The following TBL1X variants were observed in gnomAD, a reference collection of about 807,000 sequenced individuals.
TBL1X encodes transducin beta like 1 X-linked.
Under a neutral mutation model 50.7 loss-of-function variants are expected in TBL1X, and 10 were observed. The observed-to-expected ratio is 0.20, with a 90% confidence interval of 0.12 to 0.33. The LOEUF is 0.33. Among genes scored for constraint, TBL1X ranks in the 10% least tolerant of loss-of-function variants. The pLI, the probability that TBL1X is intolerant of heterozygous loss-of-function variation, is 1.00. For missense variants in TBL1X, 340 were observed against 504.4 expected, an observed-to-expected ratio of 0.67 and a Z score of 3.12; for synonymous variants, 190 against 214.7, an observed-to-expected ratio of 0.88 and a Z score of 1.01.
rs750827679 is a variant in TBL1X, at chrX:9,613,463, C to G, written c.-130-26810C>G. 9.6e-4 allele frequency among the ~76,000 whole-genome samples: 107 copies of G among 111,643 alleles called. No individual in the cohort carries two copies. The Middle Eastern group carries it at 0.032, about 34-fold the overall frequency. The stretch of plus-strand genomic sequence containing the variant: ...TTGGGAACCATGTGGGTGTGTGCAT[C>G]TATATTTTCCAGGGTCTATTTTGTT... On this transcript the variant is annotated intron_variant, in intron 2 of 17. Coordinates refer to ENST00000645353, the MANE Select transcript of TBL1X (RefSeq NM_005647.4).
chrX:9,600,451 A>T (rs1356574052), intron 2 of TBL1X, among the ~76,000 whole-genome samples: 1 of 58,254 alleles, frequency 1.7e-5, no homozygotes, highest in African/African-American at 7.7e-5. Context: ...TTAGGTTTCA[A>T]CATAGGAATT....
intron 2 of TBL1X, among the ~76,000 whole-genome samples, chrX:9,583,137 G>T (rs1446839685): frequency 8.9e-6 from 1 of 112,615 alleles, no homozygotes; most frequent in African/African-American, 3.2e-5. Context: ...AGGGTGGTCA[G>T]GCGGCAGCAG....
intron 2 of TBL1X, among the ~76,000 whole-genome samples, chrX:9,551,495 A>G (rs777189524): frequency 2.7e-5 from 3 of 111,273 alleles, no homozygotes; most frequent in Admixed American, 9.5e-5. Context: ...CGGTGTCCCA[A>G]TTTTTAGTGC....
rs752837096 is a variant in TBL1X, at chrX:9,685,717, C to CTTT, written c.357+1550_357+1552dup. On this transcript the variant is annotated intron_variant, in intron 6 of 17. Transcript: ENST00000645353. ...TCCTGTTCTCTTTTTCTTTTCTTTT[C>CTTT]TTTTTTTTTTTTTTTTTTTTTTTAA... Among the ~76,000 whole-genome samples, 496 of 59,618 alleles carry CTTT rather than the reference C, an allele frequency of 8.3e-3. 12 individuals are homozygous for CTTT. The highest frequency in any genetic ancestry group is 0.012 in the Non-Finnish European group (418 of 35,079). 51.8% of individuals were successfully genotyped at this position (59,618 alleles called of 115,157 possible). A position where few individuals can be genotyped will look rare whatever the true frequency, so the allele number is the denominator to read the frequency against.
chrX:9,463,854 A>G, upstream of TBL1X, among the ~76,000 whole-genome samples: 1 of 112,270 alleles, frequency 8.9e-6, no homozygotes, highest in South Asian at 3.6e-4. Flanking sequence ...ACAGCGCGCC[A>G]CTGCACTCCA....
chrX:9,510,617 A>G (rs2082050632), intron 2 of TBL1X, among the ~76,000 whole-genome samples: 1 of 112,420 alleles, frequency 8.9e-6, no homozygotes, highest in East Asian at 2.8e-4. Context: ...TGGCTAGGCC[A>G]TAGTATTCAG....
chrX:9,510,812 C>T (rs777220378), intron 2 of TBL1X, among the ~76,000 whole-genome samples: 1 of 111,990 alleles, frequency 8.9e-6, no homozygotes, highest in East Asian at 2.8e-4. Context: ...AGTATCCTGC[C>T]TTTGGATTTG....
upstream of TBL1X, among the ~76,000 whole-genome samples, chrX:9,464,318 C>T (rs1387938098): frequency 9.0e-6 from 1 of 111,330 alleles, no homozygotes; most frequent in Non-Finnish European, 1.9e-5. Flanking sequence ...TGCCCAGGTC[C>T]CCCCAACCTC....
At chrX:9,665,026 A>G (rs1320496547) in intron 5 of TBL1X, among the ~76,000 whole-genome samples, 2 of 110,424 alleles carry the variant, frequency 1.8e-5, no homozygotes, top group East Asian at 5.8e-4. Context: ...TTTTCCTTCC[A>G]ACTGGTTTTT....
chrX:9,510,517 C>T (rs766289950), intron 2 of TBL1X, among the ~76,000 whole-genome samples: 20 of 87,051 alleles, frequency 2.3e-4, no homozygotes, highest in Admixed American at 1.5e-3. Context: ...CTGTGGCCCA[C>T]GGGGCCGTGT....
chrX:9,553,011 C>CA (rs966328964), intron 2 of TBL1X, among the ~76,000 whole-genome samples: 3 of 111,120 alleles, frequency 2.7e-5, no homozygotes, highest in African/African-American at 9.8e-5. Context: ...GGCATGGTGG[C>CA]ACGTGCCTGT....
At chrX:9,499,131 TAG>T (rs1455977249) in intron 1 of TBL1X, among the ~76,000 whole-genome samples, 2 of 111,661 alleles carry the variant, frequency 1.8e-5, no homozygotes, top group Non-Finnish European at 3.8e-5. Flanking sequence ...CATGGTGCAA[TAG>T]AGCCTTCTTA....
Position 9,560,071 on chromosome X carries a change from T to G in TBL1X, c.-131+58222T>G, listed in dbSNP as rs933465671. Among the ~76,000 whole-genome samples, 3 of 111,993 alleles carry G rather than the reference T, an allele frequency of 2.7e-5. No individual in the cohort carries two copies. The South Asian group carries it at 1.1e-3, about 42-fold the overall frequency. On this transcript the variant is annotated intron_variant, in intron 2 of 17. Transcript: ENST00000645353. ...CTAGATATCCTTCACCCCATTTTTA[T>G]GAGACTCATGGGTTCTTGTCTGGGA...
chrX:9,477,508 T>C (rs2081855843), intron 1 of TBL1X, among the ~76,000 whole-genome samples: 1 of 112,082 alleles, frequency 8.9e-6, no homozygotes, highest in African/African-American at 3.2e-5. Context: ...TGTATTCAGG[T>C]TGGGCACTCA....
intron 1 of TBL1X, among the ~76,000 whole-genome samples, chrX:9,471,712 T>C (rs1011760273): frequency 8.9e-6 from 1 of 111,896 alleles, no homozygotes; most frequent in Non-Finnish European, 1.9e-5. Context: ...GGAGACCCTG[T>C]GAAAGAAGCA....
At chrX:9,558,533 GA>G (rs912580160) in intron 2 of TBL1X, among the ~76,000 whole-genome samples, 131 of 106,704 alleles carry the variant, frequency 1.2e-3, no homozygotes, top group Non-Finnish European at 1.6e-3. Flanking sequence ...AAAAAGGAAG[GA>G]AAAAAAAATA....
intron 2 of TBL1X, among the ~76,000 whole-genome samples, chrX:9,528,964 A>G (rs147691880): frequency 0.013 from 1,486 of 111,890 alleles, 18 homozygotes; most frequent in African/African-American, 0.046. Flanking sequence ...ACCAAATTCT[A>G]TCCCACCTGT....
intron 2 of TBL1X, among the ~76,000 whole-genome samples, chrX:9,504,277 C>G (rs986831990): frequency 9.0e-6 from 1 of 111,678 alleles, no homozygotes; most frequent in Non-Finnish European, 1.9e-5. Flanking sequence ...AATAAAAGGT[C>G]CCCACAAAAA....
upstream of TBL1X, among the ~76,000 whole-genome samples, chrX:9,463,970 C>T (rs1272943149): frequency 1.8e-5 from 2 of 112,011 alleles, no homozygotes; most frequent in Admixed American, 1.9e-4. Flanking sequence ...AACAAATGGT[C>T]TAGAGTTCGA....
Sources: allele counts gnomAD v4.1 joint callset (sites outside exome capture counted in the v4.1 genomes callset), GRCh38; gene constraint gnomAD v4.1.1; transcripts MANE v1.5; gene names NCBI Gene and HGNC (gene_info 2026-07-23, HGNC 2026-07-21).